The following NEBL variants were observed in gnomAD, a reference collection of about 807,000 sequenced individuals.
NEBL encodes LIM and SH3 protein 2.
A neutral mutation model predicts 140.2 loss-of-function variants in NEBL; 122 were observed. The ratio of observed to expected loss-of-function variants is 0.87; its 90% CI spans 0.75 to 1.01. NEBL has a LOEUF of 1.01. NEBL is among the 50% of genes least tolerant of loss of function. NEBL has a pLI of 0.00. For synonymous variants in NEBL, 436 were observed against 398.9 expected (o/e 1.09, Z -1.11); for missense variants, 1,365 against 1,231.3 (o/e 1.11, Z -1.62).
intron 21 of NEBL, 145 bp downstream of exon 21, chr10:20,817,455 C>T (rs531534259): frequency 3.9e-6 from 3 of 764,978 alleles, no homozygotes; most frequent in Admixed American, 4.1e-5. Flanking sequence ...TACCAAAGTC[C>T]CCGAAATCTT....
At position 20,782,889 on chromosome 10, in the gene NEBL, T is replaced by G. The variant is rs1304180482; in HGVS notation, c.*2858A>C. On this transcript the variant is annotated 3_prime_UTR_variant, in exon 28 of 28. Coordinates refer to ENST00000377122, the MANE Select transcript of NEBL (RefSeq NM_006393.3). ...AAAGCTTACAACAAAAGCAATATAT[T>G]CTGTTGCTATACTTTGCTCAAGAGA... is the stretch of plus-strand genomic sequence containing the variant. The G allele has an allele frequency of 6.6e-6, 1 of 152,620 alleles. No individual in the cohort carries two copies. The highest frequency in any genetic ancestry group is 1.5e-5 in the Non-Finnish European group (1 of 68,048). 9.5% of individuals were successfully genotyped at this position (152,620 alleles called of 1,614,324 possible). A position where few individuals can be genotyped will look rare whatever the true frequency, so the allele number is the denominator to read the frequency against.
At chr10:20,826,391 T>G in intron 18 of NEBL, 56 bp downstream of exon 18, 1 of 1,339,812 alleles carries the variant, frequency 7.5e-7, no homozygotes, top group Non-Finnish European at 1.1e-6. Context: ...TAAAAACATT[T>G]GTCTATAGTT....
intron 2 of NEBL, among the ~76,000 whole-genome samples, chr10:21,100,417 G>A (rs1388288573): frequency 6.6e-6 from 1 of 152,224 alleles, no homozygotes; most frequent in Non-Finnish European, 1.5e-5. Context: ...GGCTGCCGCA[G>A]TTGTTAGAGC....
intron 4 of NEBL, among the ~76,000 whole-genome samples, chr10:20,905,183 G>C (rs45586536): frequency 0.074 from 11,249 of 152,210 alleles, 555 homozygotes; most frequent in Admixed American, 0.14. Flanking sequence ...TAGATGATTT[G>C]GCACTTTTTG....
At chr10:20,889,985 A>C (rs1457980733) in intron 2 of NEBL, 36 bp from the exon 3 acceptor site, 5 of 1,378,044 alleles carry the variant, frequency 3.6e-6, no homozygotes, top group Non-Finnish European at 3.1e-6. Flanking sequence ...GAAGAGAAAA[A>C]GAAAAACAAT....
intron 2 of NEBL, among the ~76,000 whole-genome samples, chr10:21,130,610 G>T (rs1192078143): frequency 6.6e-6 from 1 of 152,006 alleles, no homozygotes; most frequent in East Asian, 1.9e-4. Flanking sequence ...AATATATGGA[G>T]AATTAAATAA....
intron 3 of NEBL, among the ~76,000 whole-genome samples, chr10:20,998,002 ATAAAT>A (rs1180130224): frequency 6.6e-5 from 10 of 152,226 alleles, no homozygotes; most frequent in Admixed American, 1.3e-4. Flanking sequence ...GAGCCAAAAA[ATAAAT>A]TAAATACAAT....
intron 1 of NEBL, among the ~76,000 whole-genome samples, chr10:21,270,657 C>T (rs1842850750): frequency 6.6e-6 from 1 of 152,104 alleles, no homozygotes; most frequent in Admixed American, 6.6e-5. Flanking sequence ...TGTGAGCCAC[C>T]GCGCCCAGCC....
intron 4 of NEBL, among the ~76,000 whole-genome samples, chr10:20,947,418 C>T (rs117583060): frequency 1.1e-3 from 171 of 152,240 alleles, no homozygotes; most frequent in Non-Finnish European, 1.9e-3. Context: ...AACTCACCTG[C>T]TCCCCTCTTC....
At chr10:20,875,036 G>A (rs769812848) in intron 5 of NEBL, among the ~76,000 whole-genome samples, 3 of 152,144 alleles carry the variant, frequency 2.0e-5, no homozygotes, top group Non-Finnish European at 4.4e-5. Context: ...ACTGCACCCA[G>A]CCTCACATTT....
intron 4 of NEBL, among the ~76,000 whole-genome samples, chr10:20,903,977 AC>A (rs1310708642): frequency 2.6e-5 from 4 of 151,720 alleles, no homozygotes; most frequent in Non-Finnish European, 5.9e-5. Flanking sequence ...CATCCATATA[AC>A]CAAAAACCAC....
chr10:21,224,568 T>A (rs1842118786), intron 3 of NEBL, among the ~76,000 whole-genome samples: 1 of 152,220 alleles, frequency 6.6e-6, no homozygotes, highest in Non-Finnish European at 1.5e-5. Context: ...GGTATTTTGA[T>A]AAGGATTGCA....
At chr10:21,134,893 C>G (rs985719686) in intron 2 of NEBL, among the ~76,000 whole-genome samples, 2 of 152,188 alleles carry the variant, frequency 1.3e-5, no homozygotes, top group South Asian at 2.1e-4. Context: ...TTCAGAATTT[C>G]TCTTATGAAT....
At chr10:20,923,048 T>C (rs1384792136) in intron 4 of NEBL, among the ~76,000 whole-genome samples, 1 of 151,978 alleles carries the variant, frequency 6.6e-6, no homozygotes, top group African/African-American at 2.4e-5. Context: ...ATCTCTCTCT[T>C]GTTCTTCTTT....
At chr10:20,947,655 C>A (rs12412142) in intron 4 of NEBL, among the ~76,000 whole-genome samples, 1 of 151,414 alleles carries the variant, frequency 6.6e-6, no homozygotes, top group Non-Finnish European at 1.5e-5. Flanking sequence ...TTACAAATCA[C>A]AGCCATTGAC....
intron 2 of NEBL, among the ~76,000 whole-genome samples, chr10:21,141,074 A>C (rs946814058): frequency 1.3e-5 from 2 of 151,344 alleles, no homozygotes; most frequent in African/African-American, 4.9e-5. Context: ...AAAAAAAAAA[A>C]CCTGCTCTAT....
intron 3 of NEBL, among the ~76,000 whole-genome samples, chr10:20,992,556 G>C (rs1198504643): frequency 6.6e-6 from 1 of 152,068 alleles, no homozygotes; most frequent in Admixed American, 6.5e-5. Context: ...CAGGAGCTGT[G>C]ACCTCTTATC....
At chr10:20,946,912 C>T (rs1358387960) in intron 4 of NEBL, among the ~76,000 whole-genome samples, 1 of 152,092 alleles carries the variant, frequency 6.6e-6, no homozygotes, top group Admixed American at 6.6e-5. Context: ...TTAATAGCTA[C>T]TTCTGTGGAA....
chr10:21,263,178 C>G (rs1842761255), intron 1 of NEBL, among the ~76,000 whole-genome samples: 1 of 152,096 alleles, frequency 6.6e-6, no homozygotes, highest in Non-Finnish European at 1.5e-5. Context: ...AGGTATTTAC[C>G]CATTTAATCC....
Sources: allele counts gnomAD v4.1 joint callset (sites outside exome capture counted in the v4.1 genomes callset), GRCh38; gene constraint gnomAD v4.1.1; transcripts MANE v1.5; gene names NCBI Gene and HGNC (gene_info 2026-07-23, HGNC 2026-07-21).